Variants in DLG2 observed in about 807,000 individuals in gnomAD.
DLG2 encodes disks large homolog 2.
In DLG2, 45 loss-of-function variants were observed where a neutral mutation model predicts 132.5. The observed-to-expected ratio is 0.34, with a 90% CI of 0.27 to 0.44. The LOEUF (loss-of-function observed/expected upper bound fraction) is 0.44, where lower values mean the gene tolerates loss of function less well. Ranked by LOEUF, DLG2 falls within the 20% of genes least tolerant of loss-of-function variation. The pLI, the probability that DLG2 is intolerant of heterozygous loss-of-function variation, is 1.00. For missense variants in DLG2, 1,045 were observed against 1,196.9 expected (o/e 0.87, Z 1.87); for synonymous variants, 424 against 419.6 (o/e 1.01, Z -0.13).
At chr11:84,341,532 T>C (rs1384609849) in intron 7 of DLG2, among the ~76,000 whole-genome samples, 3 of 152,318 alleles carry the variant, frequency 2.0e-5, no homozygotes, top group East Asian at 3.9e-4. Context: ...GAGATTATGA[T>C]TTAATTATTC....
chr11:84,019,856 C>T (rs953193637), intron 11 of DLG2, among the ~76,000 whole-genome samples: 3 of 152,132 alleles, frequency 2.0e-5, no homozygotes, highest in Admixed American at 6.6e-5. Flanking sequence ...AACAACCTTG[C>T]TAATATCTCG....
At chr11:83,617,107 G>A (rs565864701) in intron 19 of DLG2, among the ~76,000 whole-genome samples, 5 of 152,052 alleles carry the variant, frequency 3.3e-5, no homozygotes, top group South Asian at 4.2e-4. Context: ...TCTGTGTTTT[G>A]CCTATTGTTG....
At chr11:84,434,338 G>A (rs2098994101) in intron 7 of DLG2, among the ~76,000 whole-genome samples, 1 of 152,106 alleles carries the variant, frequency 6.6e-6, no homozygotes, top group Admixed American at 6.5e-5. Flanking sequence ...ATAAAAGAGA[G>A]GGACAAGATA....
rs148503504 is a variant in DLG2, at chr11:83,610,421, G to A, written c.1940+22790C>T. 3.0e-3 allele frequency among the ~76,000 whole-genome samples: 453 copies of A among 152,242 alleles called. 5 individuals are homozygous for A. Among genetic ancestry groups the A allele is most frequent in the Admixed American group, 0.027 (410 of 15,284 alleles). Reference sequence around the variant, plus strand: ...CTTGTGAGACATGATTGAAAACAGAGCAAAAGGGAAACAGTAAGCTAATTA... The same window carrying A: ...CTTGTGAGACATGATTGAAAACAGAACAAAAGGGAAACAGTAAGCTAATTA... On this transcript the variant is annotated intron_variant, in intron 19 of 27. Transcript: ENST00000376104.
intron 7 of DLG2, among the ~76,000 whole-genome samples, chr11:84,303,326 C>A (rs2098177668): frequency 6.6e-6 from 1 of 152,106 alleles, no homozygotes; most frequent in African/African-American, 2.4e-5. Context: ...ATAACTGTAA[C>A]AGTCAATGTT....
At chr11:83,467,039 A>G (rs1255695951) in intron 25 of DLG2, among the ~76,000 whole-genome samples, 1 of 152,214 alleles carries the variant, frequency 6.6e-6, no homozygotes. Flanking sequence ...AGTGTCTGCT[A>G]CTGGACTGGA....
At chr11:85,331,216 C>G (rs1262174375) in intron 3 of DLG2, among the ~76,000 whole-genome samples, 1 of 152,044 alleles carries the variant, frequency 6.6e-6, no homozygotes, top group African/African-American at 2.4e-5. Flanking sequence ...TTTCAACTAG[C>G]AGGCCAAAAC....
chr11:84,575,972 C>T (rs1422294226), intron 6 of DLG2, among the ~76,000 whole-genome samples: 1 of 152,184 alleles, frequency 6.6e-6, no homozygotes, highest in African/African-American at 2.4e-5. Context: ...AAGACATGTT[C>T]CTTGCCTAAG....
intron 7 of DLG2, among the ~76,000 whole-genome samples, chr11:84,391,990 T>C (rs2098794148): frequency 6.6e-6 from 1 of 152,220 alleles, no homozygotes; most frequent in Admixed American, 6.5e-5. Context: ...AGTCATCCTC[T>C]CTGAATCTCA....
chr11:84,152,078 A>T, intron 9 of DLG2, among the ~76,000 whole-genome samples: 1 of 152,182 alleles, frequency 6.6e-6, no homozygotes, highest in East Asian at 1.9e-4. Flanking sequence ...TCAAGTGTCT[A>T]GTTTAAGTTC....
chr11:83,673,851 TTTG>T (rs1220267318), intron 18 of DLG2, among the ~76,000 whole-genome samples: 2 of 152,252 alleles, frequency 1.3e-5, no homozygotes, highest in African/African-American at 4.8e-5. Flanking sequence ...TTTGTTATTA[TTTG>T]TTAAGTAAAT....
At chr11:84,327,665 ATAACT>A (rs2098439197) in intron 7 of DLG2, among the ~76,000 whole-genome samples, 1 of 152,198 alleles carries the variant, frequency 6.6e-6, no homozygotes, top group Non-Finnish European at 1.5e-5. Flanking sequence ...TAAGCTGATA[ATAACT>A]TAACTTCAAT....
chr11:85,278,684 T>G (rs2078046030), intron 4 of DLG2, among the ~76,000 whole-genome samples: 1 of 152,198 alleles, frequency 6.6e-6, no homozygotes, highest in Non-Finnish European at 1.5e-5. Context: ...TCACATAGTT[T>G]TCTCCACCTG....
chr11:83,566,003 A>G (rs1278216217), intron 19 of DLG2, among the ~76,000 whole-genome samples: 2 of 152,280 alleles, frequency 1.3e-5, no homozygotes, highest in South Asian at 2.1e-4. Flanking sequence ...ATGAAGTCCT[A>G]CTGGTTGGAT....
At chr11:84,642,107 GTA>G (rs1358478979) in intron 6 of DLG2, among the ~76,000 whole-genome samples, 2 of 131,596 alleles carry the variant, frequency 1.5e-5, no homozygotes, top group Non-Finnish European at 3.3e-5. Context: ...GTGTGTGTGT[GTA>G]TATGTAGAGT....
At chr11:85,072,179 C>T (rs1217331491) in intron 6 of DLG2, among the ~76,000 whole-genome samples, 1 of 151,768 alleles carries the variant, frequency 6.6e-6, no homozygotes, top group Non-Finnish European at 1.5e-5. Flanking sequence ...CTAATTTTTA[C>T]AATAGGCCAT....
chr11:84,785,317 G>A (rs532496224), intron 6 of DLG2, among the ~76,000 whole-genome samples: 1 of 151,992 alleles, frequency 6.6e-6, no homozygotes, highest in African/African-American at 2.4e-5. Context: ...ATTATCTTAT[G>A]TTATGGTTCC....
chr11:84,857,298 G>A (rs2082926384), intron 6 of DLG2, among the ~76,000 whole-genome samples: 1 of 151,916 alleles, frequency 6.6e-6, no homozygotes, highest in South Asian at 2.1e-4. Flanking sequence ...AAACAATAAA[G>A]GAGTTAACTG....
chr11:84,533,443 T>A (rs1360140613), intron 7 of DLG2, among the ~76,000 whole-genome samples: 1 of 152,230 alleles, frequency 6.6e-6, no homozygotes, highest in East Asian at 1.9e-4. Context: ...TATTAATATT[T>A]ACATATTTTT....
Sources: allele counts gnomAD v4.1 joint callset (sites outside exome capture counted in the v4.1 genomes callset), GRCh38; gene constraint gnomAD v4.1.1; transcripts MANE v1.5; gene names NCBI Gene and HGNC (gene_info 2026-07-23, HGNC 2026-07-21).